RBFOX1: variants seen among roughly 807,000 people sequenced by gnomAD.
RBFOX1 encodes the protein RNA binding protein fox-1 homolog 1.
RBFOX1 carries 8 observed loss-of-function variants against 57.7 expected under a neutral mutation model. The ratio of observed to expected loss-of-function variants is 0.14; its 90% confidence interval spans 0.08 to 0.25. The LOEUF (loss-of-function observed/expected upper bound fraction) is 0.25. Ranked by LOEUF, RBFOX1 falls within the 10% of genes least tolerant of loss-of-function variation. RBFOX1 has a pLI of 1.00. For missense variants in RBFOX1, 611 were observed against 548.5 expected (o/e 1.11, Z -1.14); for synonymous variants, 326 against 222.4 (o/e 1.47, Z -4.15).
intron 3 of RBFOX1, among the ~76,000 whole-genome samples, chr16:6,795,787 A>G (rs1430353592): frequency 6.6e-6 from 1 of 151,942 alleles, no homozygotes; most frequent in Non-Finnish European, 1.5e-5. Flanking sequence ...TGAAAAAAAA[A>G]AAAAGATAGT....
chr16:6,900,763 G>C (rs7199712), intron 3 of RBFOX1, among the ~76,000 whole-genome samples: 81,905 of 152,016 alleles, frequency 0.54, 24,394 homozygotes, highest in African/African-American at 0.81. Flanking sequence ...CTGTCTACGT[G>C]TAAGACCCTC....
intron 11 of RBFOX1, among the ~76,000 whole-genome samples, 159 bp from the exon 12 acceptor site, chr16:7,653,656 G>A (rs1379253376): frequency 6.6e-6 from 1 of 152,196 alleles, no homozygotes; most frequent in African/African-American, 2.4e-5. Context: ...CCTGGCCACC[G>A]TGCTGCTCTC....
At chr16:7,218,398 G>A (rs1036824518) in intron 4 of RBFOX1, among the ~76,000 whole-genome samples, 24 of 152,236 alleles carry the variant, frequency 1.6e-4, no homozygotes, top group Admixed American at 6.5e-4. Context: ...GTGGAAAGAG[G>A]TGAAGATAGA....
At chr16:6,095,053 C>G (rs1179386893) in intron 1 of RBFOX1, among the ~76,000 whole-genome samples, 1 of 152,076 alleles carries the variant, frequency 6.6e-6, no homozygotes, top group Non-Finnish European at 1.5e-5. Context: ...GAGTGATACT[C>G]CATCTCAAGA....
chr16:5,314,449 C>G (rs1220823630), intron 1 of RBFOX1, among the ~76,000 whole-genome samples: 1 of 152,240 alleles, frequency 6.6e-6, no homozygotes, highest in African/African-American at 2.4e-5. Flanking sequence ...GACCGCTTCA[C>G]TAGGTGCAGC....
At chr16:5,741,630 A>G (rs1472745151) in intron 3 of RBFOX1, among the ~76,000 whole-genome samples, 3 of 152,204 alleles carry the variant, frequency 2.0e-5, no homozygotes, top group Non-Finnish European at 2.9e-5. Context: ...CTCTATAACA[A>G]TTTATTGCGA....
At chr16:5,416,317 T>G (rs2067158768) in intron 1 of RBFOX1, among the ~76,000 whole-genome samples, 1 of 152,238 alleles carries the variant, frequency 6.6e-6, no homozygotes, top group Admixed American at 6.5e-5. Flanking sequence ...AGATCCTGAC[T>G]CCAGAGTCCC....
intron 2 of RBFOX1, among the ~76,000 whole-genome samples, chr16:6,550,765 G>C (rs2096975673): frequency 6.6e-6 from 1 of 152,192 alleles, no homozygotes; most frequent in South Asian, 2.1e-4. Context: ...TAGTTTCTAA[G>C]AATTTATGTC....
chr16:6,993,676 C>T (rs1335185240), intron 3 of RBFOX1, among the ~76,000 whole-genome samples: 1 of 152,148 alleles, frequency 6.6e-6, no homozygotes, highest in Non-Finnish European at 1.5e-5. Context: ...CATTTGTGTG[C>T]ATTAGGTAAT....
chr16:6,095,545 G>C (rs1156771198), intron 1 of RBFOX1, among the ~76,000 whole-genome samples: 1 of 152,180 alleles, frequency 6.6e-6, no homozygotes, highest in Non-Finnish European at 1.5e-5. Flanking sequence ...GAAGCAAGTG[G>C]AAATGCTCGG....
intron 1 of RBFOX1, among the ~76,000 whole-genome samples, chr16:5,436,235 T>G (rs1174383745): frequency 6.6e-6 from 1 of 152,190 alleles, no homozygotes; most frequent in Non-Finnish European, 1.5e-5. Flanking sequence ...TGACTCAGAC[T>G]TACCTGTGTT....
chr16:6,216,994 C>G (rs1021120662), intron 1 of RBFOX1, among the ~76,000 whole-genome samples: 5 of 151,936 alleles, frequency 3.3e-5, no homozygotes, highest in African/African-American at 1.2e-4. Context: ...TTGGTGTATG[C>G]TTGGAATTTC....
intron 4 of RBFOX1, among the ~76,000 whole-genome samples, chr16:7,126,962 T>A (rs1318441463): frequency 6.8e-6 from 1 of 146,148 alleles, no homozygotes; most frequent in East Asian, 2.0e-4. Context: ...TGAGCCAAGA[T>A]CGCGCCACTA....
At chr16:7,036,157 T>G (rs1402227123) in intron 3 of RBFOX1, among the ~76,000 whole-genome samples, 1 of 151,918 alleles carries the variant, frequency 6.6e-6, no homozygotes, top group African/African-American at 2.4e-5. Flanking sequence ...TATCCCTATT[T>G]CCTTGTCTGG....
chr16:5,854,909 A>G (rs2056986366), intron 3 of RBFOX1, among the ~76,000 whole-genome samples: 1 of 152,154 alleles, frequency 6.6e-6, no homozygotes, highest in African/African-American at 2.4e-5. Flanking sequence ...ACTTTTTGGT[A>G]ACCCAGCCTA....
At chr16:6,767,461 C>G (rs113136225) in intron 3 of RBFOX1, among the ~76,000 whole-genome samples, 1 of 152,276 alleles carries the variant, frequency 6.6e-6, no homozygotes, top group East Asian at 1.9e-4. Flanking sequence ...AGGTTTTTCA[C>G]TTATGTGAAC....
At chr16:7,632,764 G>A (rs149983650) in intron 11 of RBFOX1, among the ~76,000 whole-genome samples, 35 of 152,312 alleles carry the variant, frequency 2.3e-4, no homozygotes, top group Admixed American at 2.6e-4. Flanking sequence ...TAGTGCTGAT[G>A]GAACTGAGAC....
At chr16:6,330,191 A>G (rs899012355) in intron 2 of RBFOX1, among the ~76,000 whole-genome samples, 12 of 152,200 alleles carry the variant, frequency 7.9e-5, no homozygotes, top group Non-Finnish European at 1.5e-4. Context: ...ATAGGGAAGT[A>G]AAGGAAGGAG....
chr16:6,648,194 TACC>T (rs1318751646), intron 2 of RBFOX1, among the ~76,000 whole-genome samples: 1 of 152,052 alleles, frequency 6.6e-6, no homozygotes, highest in Non-Finnish European at 1.5e-5. Context: ...CACAGGTGCA[TACC>T]ACCCCACCTA....
Sources: allele counts gnomAD v4.1 joint callset (sites outside exome capture counted in the v4.1 genomes callset), GRCh38; gene constraint gnomAD v4.1.1; transcripts MANE v1.5; gene names NCBI Gene and HGNC (gene_info 2026-07-23, HGNC 2026-07-21).